Variants in MTA3 observed in about 807,000 individuals in gnomAD.
MTA3 encodes the protein metastasis associated 1 family member 3.
In MTA3, 34 loss-of-function variants were observed where a neutral mutation model predicts 83.5. That is an observed-to-expected ratio of 0.41 (90% CI 0.31 to 0.54). MTA3 has a LOEUF of 0.54. Ranked by LOEUF, MTA3 falls within the 20% of genes least tolerant of loss-of-function variation. The probability of loss-of-function intolerance (pLI) is 0.33; values close to 1 mark genes in which losing one functional copy is unlikely to be tolerated. For missense variants in MTA3, 761 were observed against 726.4 expected (o/e 1.05, Z -0.55); for synonymous variants, 303 against 252.7 (o/e 1.20, Z -1.89).
rs1394947022 is a variant in MTA3 at position 42,756,711 on chromosome 2, A to G, written c.*3312A>G. ...ACTCAGTTAGCAGCCCCTCCTCACC[A>G]TTCCCCCCAGGAAGGCCATGTCCCA... On this transcript the variant is annotated 3_prime_UTR_variant, in exon 17 of 17. Transcript: ENST00000405094. 1 of 985,262 alleles carries G rather than the reference A, an allele frequency of 1.0e-6. No individual in the cohort carries two copies. Among genetic ancestry groups the G allele is most frequent in the South Asian group, 4.7e-5 (1 of 21,278 alleles). 61.0% of individuals were successfully genotyped at this position (985,262 alleles called of 1,614,324 possible). A position where few individuals can be genotyped will look rare whatever the true frequency, so the allele number is the denominator to read the frequency against.
chr2:42,736,571 G>A (rs1162157920), intron 16 of MTA3, among the ~76,000 whole-genome samples: 1 of 152,200 alleles, frequency 6.6e-6, no homozygotes, highest in Non-Finnish European at 1.5e-5. Flanking sequence ...CTGGGAGCCA[G>A]GGCCTGGAGT....
At chr2:42,671,287 A>G (rs1254451439) in intron 8 of MTA3, among the ~76,000 whole-genome samples, 1 of 152,166 alleles carries the variant, frequency 6.6e-6, no homozygotes, top group East Asian at 1.9e-4. Flanking sequence ...TTTTTACAGT[A>G]TTTTTAAACA....
intron 2 of MTA3, among the ~76,000 whole-genome samples, chr2:42,517,118 G>A (rs1409447853): frequency 6.6e-6 from 1 of 151,908 alleles, no homozygotes; most frequent in African/African-American, 2.4e-5. Context: ...AAATAAACCG[G>A]GTGTGGTGGT....
chr2:42,499,189 C>T (rs372438382), intron 2 of MTA3, among the ~76,000 whole-genome samples: 19 of 141,088 alleles, frequency 1.3e-4, no homozygotes, highest in African/African-American at 4.8e-4. Flanking sequence ...TTTTTTGAGA[C>T]GGAGTTTCAC....
intron 6 of MTA3, among the ~76,000 whole-genome samples, chr2:42,647,735 G>T (rs1306069410): frequency 6.6e-6 from 1 of 152,140 alleles, no homozygotes; most frequent in Non-Finnish European, 1.5e-5. Context: ...CATCATAAAT[G>T]TAGAAGCCAT....
intron 4 of MTA3, 24 bp from the exon 5 acceptor site, chr2:42,640,149 T>C (rs1416160084): frequency 1.3e-6 from 2 of 1,572,052 alleles, no homozygotes; most frequent in Non-Finnish European, 1.7e-6. Flanking sequence ...TTGTTACATT[T>C]ATTCTTTTTT....
At chr2:42,655,349 A>G (rs1689071660) in intron 6 of MTA3, among the ~76,000 whole-genome samples, 2 of 152,132 alleles carry the variant, frequency 1.3e-5, no homozygotes, top group African/African-American at 2.4e-5. Context: ...TTTCTATGAC[A>G]TTTTAATGCC....
At chr2:42,549,698 T>C (rs1418112412) in intron 2 of MTA3, among the ~76,000 whole-genome samples, 1 of 131,008 alleles carries the variant, frequency 7.6e-6, no homozygotes, top group Admixed American at 9.6e-5. Context: ...TATATATACA[T>C]ATTATATATT....
At chr2:42,743,990 C>T (rs143579698) in intron 16 of MTA3, among the ~76,000 whole-genome samples, 23 of 152,228 alleles carry the variant, frequency 1.5e-4, no homozygotes, top group African/African-American at 5.1e-4. Flanking sequence ...CTTGAGTGTC[C>T]CTAGACTCAC....
chr2:42,677,844 A>G (rs182620565), intron 8 of MTA3, among the ~76,000 whole-genome samples: 7 of 152,262 alleles, frequency 4.6e-5, no homozygotes, highest in South Asian at 2.1e-4. Context: ...CAGTGTGAAA[A>G]CAGACTAATA....
rs1670156210 is a variant in MTA3, at chr2:42,755,142, G to A, written c.*1743G>A. ...GACCTGGGAGGAGGTGCCGCATCAC[G>A]TGGATGTTTCTTCCCTAAAGAAAAA... On this transcript the variant is annotated 3_prime_UTR_variant, in exon 17 of 17. Coordinates refer to ENST00000405094, the MANE Select transcript of MTA3 (RefSeq NM_001330442.2). The A allele has an allele frequency of 5.1e-6, 5 of 985,358 alleles. No homozygotes were observed. In the South Asian group the frequency reaches 1.9e-4, roughly 37 times the overall value. The allele number at this position is 985,358 out of a possible 1,614,324, so 61.0% of individuals were successfully genotyped here.
chr2:42,562,076 A>G (rs1028738681), intron 2 of MTA3, among the ~76,000 whole-genome samples: 12 of 152,144 alleles, frequency 7.9e-5, no homozygotes, highest in African/African-American at 2.9e-4. Context: ...CTTGGTTTGT[A>G]GCTGCATAAG....
intron 2 of MTA3, among the ~76,000 whole-genome samples, chr2:42,542,421 A>G (rs1171210730): frequency 6.6e-6 from 1 of 152,236 alleles, no homozygotes. Context: ...AGGGTTCTTT[A>G]GAGGGACAGA....
intron 9 of MTA3, among the ~76,000 whole-genome samples, chr2:42,691,137 A>G (rs1008081105): frequency 6.6e-6 from 1 of 151,424 alleles, no homozygotes; most frequent in Non-Finnish European, 1.5e-5. Flanking sequence ...TCGGCCTCCC[A>G]AAGTGTTGAG....
chr2:42,563,412 G>C lies in MTA3; in HGVS notation c.-140-7025G>C, dbSNP rs1340851475. Among the ~76,000 whole-genome samples, 4 of 152,028 alleles carry C rather than the reference G, an allele frequency of 2.6e-5. No homozygotes were observed. In the East Asian group the frequency reaches 7.7e-4, roughly 29 times the overall value. On this transcript the variant is annotated intron_variant, in intron 2 of 17. Coordinates refer to the MTA3 transcript ENST00000405592. The stretch of plus-strand genomic sequence containing the variant: ...TCAAACTACTGACTTCAGGTGATTC[G>C]CCTGCCTTAGCTTCCCAAAGTGCTG...
intron 16 of MTA3, among the ~76,000 whole-genome samples, chr2:42,749,104 C>G (rs1224786778): frequency 8.5e-5 from 13 of 152,230 alleles, no homozygotes; most frequent in Non-Finnish European, 1.9e-4. Context: ...GAATCTCACC[C>G]TGTACTTGCA....
In MTA3 at chr2:42,507,626, G is replaced by GA. The variant is rs759165343; in HGVS notation, c.-141+12383dup. Among the ~76,000 whole-genome samples, 479 of 139,754 alleles carry GA rather than the reference G, an allele frequency of 3.4e-3. 2 individuals carry two copies. The highest frequency in any genetic ancestry group is 0.01 in the African/African-American group (390 of 38,210). The allele number at this position is 139,754 out of a possible 152,430, so 91.7% of individuals were successfully genotyped here. On this transcript the variant is annotated intron_variant, in intron 2 of 17. Coordinates refer to the MTA3 transcript ENST00000405592. ...TGTGTGAAAAGATTATGTTTTTAAT[G>GA]AAAAAAAAAAAGGAAAACTAGGTCA...
At chr2:42,568,874 G>C in intron 1 of MTA3, 101 bp downstream of exon 1, 1 of 1,140,980 alleles carries the variant, frequency 8.8e-7, no homozygotes, top group Non-Finnish European at 1.1e-6. Context: ...GGGCGCCGGG[G>C]CTGAGGTCGC....
At position 42,682,490 on chromosome 2, in the gene MTA3, CAG is replaced by C; in HGVS notation, c.796_797del (p.Asp266Ter). ...LVPLGGPVLCRDEMEEWSASE... is the reference protein window; with the variant it reads ...LVPLGGPVLCXDEMEEWSASE... The stretch of plus-strand genomic sequence containing the variant: ...TACCACTCGGAGGACCTGTTTTATG[CAG>C]AGATGAAATGGAGGAATGGTCAGCC... On this transcript the variant is annotated frameshift_variant, in exon 9 of 17. Coordinates refer to ENST00000405094, the MANE Select transcript of MTA3 (RefSeq NM_001330442.2). LOFTEE classifies it high-confidence loss of function. 1 of 1,612,088 alleles carries C rather than the reference CAG, an allele frequency of 6.2e-7. No individual in the cohort carries two copies. Among genetic ancestry groups the C allele is most frequent in the African/African-American group, 1.3e-5 (1 of 74,988 alleles).
Sources: gnomAD v4.1 joint callset for allele counts (sites outside exome capture counted in the v4.1 genomes callset) on GRCh38, gnomAD v4.1.1 for gene constraint, MANE v1.5 for transcripts, NCBI Gene and HGNC (gene_info 2026-07-23, HGNC 2026-07-21) for gene names.